The following RIMBP2 variants were observed in gnomAD, a reference collection of about 807,000 sequenced individuals.
The protein encoded by RIMBP2 is RIMS binding protein 2.
RIMBP2 carries 48 observed loss-of-function variants against 118.6 expected under a neutral mutation model. The observed-to-expected ratio is 0.40, with a 90% confidence interval of 0.32 to 0.51. The LOEUF is 0.51. Among genes scored for constraint, RIMBP2 ranks in the 20% least tolerant of loss-of-function variants. RIMBP2 has a pLI of 0.41. For missense variants in RIMBP2, 1,551 were observed against 1,768.3 expected (o/e 0.88, Z 2.20); for synonymous variants, 762 against 742.9 (o/e 1.03, Z -0.42).
intron 4 of RIMBP2, among the ~76,000 whole-genome samples, chr12:130,496,759 G>A (rs2049206651): frequency 6.6e-6 from 1 of 152,144 alleles, no homozygotes; most frequent in African/African-American, 2.4e-5. Context: ...CCACCCAGAG[G>A]AGCCAAGGAG....
rs559595737 is a variant in RIMBP2, at chr12:130,434,633, C to T, written c.2253+101G>A. 6.0e-6 allele frequency: 8 copies of T among 1,326,150 alleles called. No homozygotes were observed. Among genetic ancestry groups the T allele is most frequent in the Non-Finnish European group, 8.1e-6 (8 of 987,148 alleles). 82.1% of individuals were successfully genotyped at this position (1,326,150 alleles called of 1,614,324 possible). Reference sequence around the variant, plus strand: ...GGCGTCTCCATCTCTCTCAGGGACCCAAGGGTAGCGGGGAAAGTGCCCATG... The same window carrying T: ...GGCGTCTCCATCTCTCTCAGGGACCTAAGGGTAGCGGGGAAAGTGCCCATG... On this transcript the variant is annotated intron_variant, in intron 14 of 22. Transcript: ENST00000690449. The surrounding 1 kb of genome is among the most constrained non-coding windows in gnomAD (Gnocchi z 5.7).
intron 14 of RIMBP2, among the ~76,000 whole-genome samples, chr12:130,433,030 A>G (rs1190563550): frequency 6.6e-6 from 1 of 152,160 alleles, no homozygotes; most frequent in Admixed American, 6.5e-5. Context: ...GTAAATTCCT[A>G]CGCTGCAAGA....
chr12:130,480,739 T>C (rs1440531766), intron 4 of RIMBP2, among the ~76,000 whole-genome samples: 1 of 152,132 alleles, frequency 6.6e-6, no homozygotes, highest in Non-Finnish European at 1.5e-5. Context: ...TAGCTGGGAT[T>C]ACAGGTGCCC....
At position 130,688,751 on chromosome 12, in the gene RIMBP2, C is replaced by T. The variant is rs2065180477; in HGVS notation, c.-352+27471G>A. On this transcript the variant is annotated intron_variant, in intron 1 of 22. Transcript: ENST00000690449. This position sits in a 1 kb window ranked among gnomAD's most constrained non-coding sequence, Gnocchi z 4.7. The stretch of plus-strand genomic sequence containing the variant: ...GAGGCCACATGGCCCCCTTGGGGCT[C>T]ATACAGAGACACAGAACCACCTCCA... 6.6e-6 allele frequency among the ~76,000 whole-genome samples: 1 copy of T among 152,228 alleles called. No homozygotes were observed. The highest frequency in any genetic ancestry group is 1.5e-5 in the Non-Finnish European group (1 of 68,042).
At chr12:130,545,686 A>C (rs1457262771) in intron 2 of RIMBP2, among the ~76,000 whole-genome samples, 1 of 152,114 alleles carries the variant, frequency 6.6e-6, no homozygotes, top group Non-Finnish European at 1.5e-5. Flanking sequence ...GCCGCCGTCG[A>C]GTGTCACGTC....
In RIMBP2 at chr12:130,469,404, G is replaced by A. The variant is rs1040803882; in HGVS notation, c.153+1289C>T. ...ACACAGGGTCATGTCAATGGGCTCC[G>A]GGGCAACTGGGGAGAGGCAACTACC... is the stretch of plus-strand genomic sequence containing the variant. On this transcript the variant is annotated intron_variant, in intron 6 of 22. Coordinates refer to ENST00000690449, the MANE Select transcript of RIMBP2 (RefSeq NM_001393629.1). The surrounding 1 kb of genome is among the most constrained non-coding windows in gnomAD (Gnocchi z 4.8). Among the ~76,000 whole-genome samples, 9 of 151,366 alleles carry A rather than the reference G, an allele frequency of 5.9e-5. No individual in the cohort carries two copies. The highest frequency in any genetic ancestry group is 1.5e-4 in the African/African-American group (6 of 40,690).
chr12:130,694,609 C>T (rs10848188), intron 1 of RIMBP2, among the ~76,000 whole-genome samples: 5,775 of 152,270 alleles, frequency 0.038, 369 homozygotes, highest in African/African-American at 0.13. Context: ...TTTCCACGGC[C>T]CTCCCGTAGA....
chr12:130,667,018 GGAGAGAAAGAAGAA>G (rs2063951507), intron 1 of RIMBP2, among the ~76,000 whole-genome samples: 1 of 61,478 alleles, frequency 1.6e-5, no homozygotes. Context: ...AGGGAGGGAG[GGAGAGAAAGAAGAA>G]GAGGGAGGAA....
chr12:130,698,448 A>G (rs1234576613), intron 1 of RIMBP2, among the ~76,000 whole-genome samples: 2 of 152,164 alleles, frequency 1.3e-5, no homozygotes, highest in Admixed American at 6.5e-5. Flanking sequence ...TGCAGTTTAC[A>G]AAAGATGCTA....
intron 2 of RIMBP2, among the ~76,000 whole-genome samples, chr12:130,558,248 C>T (rs935292722): frequency 7.2e-5 from 11 of 152,148 alleles, no homozygotes; most frequent in Middle Eastern, 3.4e-3. Context: ...CATTGTCTCA[C>T]GGAGAAGAGC....
At chr12:130,403,933 A>G (rs1225989566) in intron 21 of RIMBP2, among the ~76,000 whole-genome samples, 1 of 152,214 alleles carries the variant, frequency 6.6e-6, no homozygotes, top group Non-Finnish European at 1.5e-5. Flanking sequence ...TCTCCGTATT[A>G]TAAAGACCAT....
intron 1 of RIMBP2, among the ~76,000 whole-genome samples, chr12:130,697,014 A>T (rs564998568): frequency 6.6e-6 from 1 of 152,366 alleles, no homozygotes; most frequent in African/African-American, 2.4e-5. Context: ...CTCGCCTGCC[A>T]GGCTGAAAAC....
rs1443759955 is a variant in RIMBP2 at position 130,688,696 on chromosome 12, A to G, written c.-352+27526T>C. ...TGACAGGTACAGGCAGGGGGACACT[A>G]AAACCCCACATTCTAAAGACCCCAA... On this transcript the variant is annotated intron_variant, in intron 1 of 22. Coordinates refer to ENST00000690449, the MANE Select transcript of RIMBP2 (RefSeq NM_001393629.1). The surrounding 1 kb of genome is among the most constrained non-coding windows in gnomAD (Gnocchi z 4.7). Among the ~76,000 whole-genome samples, 1 of 152,124 alleles carries G rather than the reference A, an allele frequency of 6.6e-6. No individual in the cohort carries two copies. The highest frequency in any genetic ancestry group is 2.4e-5 in the African/African-American group (1 of 41,430).
In RIMBP2 at chr12:130,646,394, ACCACCTGCCTCT is replaced by A. The variant is rs1566423376; in HGVS notation, c.-351-17950_-351-17939del. On this transcript the variant is annotated intron_variant, in intron 1 of 22. Transcript: ENST00000690449. ...CACCACCTCCCTCACCACCTCCCTC[ACCACCTGCCTCT>A]CCACCTCCCTCACCACTTCCCTCTC... 1.4e-3 allele frequency among the ~76,000 whole-genome samples: 63 copies of A among 43,650 alleles called. 8 individuals are homozygous for A. The highest frequency in any genetic ancestry group is 0.012 in the Middle Eastern group (1 of 86). 28.6% of individuals were successfully genotyped at this position (43,650 alleles called of 152,430 possible). A position where few individuals can be genotyped will look rare whatever the true frequency, so the allele number is the denominator to read the frequency against.
chr12:130,495,947 G>A (rs1314379144), intron 4 of RIMBP2, among the ~76,000 whole-genome samples: 1 of 152,208 alleles, frequency 6.6e-6, no homozygotes, highest in Non-Finnish European at 1.5e-5. Flanking sequence ...AAAGCCCAAA[G>A]TCTTTGAATT....
intron 4 of RIMBP2, among the ~76,000 whole-genome samples, chr12:130,491,889 C>T (rs530856471): frequency 3.3e-5 from 5 of 152,308 alleles, no homozygotes; most frequent in South Asian, 4.1e-4. Context: ...AGCTGACTGT[C>T]GACATTCACG....
intron 1 of RIMBP2, among the ~76,000 whole-genome samples, chr12:130,689,046 G>C (rs1288711074): frequency 6.6e-6 from 1 of 152,200 alleles, no homozygotes; most frequent in Non-Finnish European, 1.5e-5. Context: ...AATGGGCTAT[G>C]ACCTGCGCTT....
rs1241669566 is a variant in RIMBP2 at position 130,442,544 on chromosome 12, T to C, written c.808A>G (p.Asn270Asp). The C allele has an allele frequency of 4.3e-6, 7 of 1,614,030 alleles. No homozygotes were observed. The highest frequency in any genetic ancestry group is 1.3e-5 in the African/African-American group (1 of 74,910). ...LGNEQDQNFINHSGIGLEGEH... is the reference protein window; with the variant it reads ...LGNEQDQNFIDHSGIGLEGEH... ...CCCTCCAGGCCGATGCCGGAATGGT[T>C]GATGAAGTTCTGATCCTGCTCGTTC... The change falls in exon 11 of 23, where the codon AAC becomes GAC. Residue 270 changes from asparagine to aspartate, a missense_variant. Around this residue, in one of 5 missense-constraint regions of RIMBP2, gnomAD observed 265 missense variants for 349.5 expected, o/e 0.76. Coordinates refer to ENST00000690449, the MANE Select transcript of RIMBP2 (RefSeq NM_001393629.1). The surrounding 1 kb of genome is among the most constrained non-coding windows in gnomAD (Gnocchi z 6.9).
intron 4 of RIMBP2, among the ~76,000 whole-genome samples, chr12:130,491,878 T>C (rs894762319): frequency 2.0e-5 from 3 of 152,250 alleles, no homozygotes; most frequent in Admixed American, 6.5e-5. Flanking sequence ...GCGATATTTA[T>C]AGCTGACTGT....
Sources: allele counts gnomAD v4.1 joint callset (sites outside exome capture counted in the v4.1 genomes callset), GRCh38; gene constraint gnomAD v4.1.1; regional missense constraint gnomAD v4.1.1; non-coding constraint Gnocchi (gnomAD v3.1); transcripts MANE v1.5; gene names NCBI Gene and HGNC (gene_info 2026-07-23, HGNC 2026-07-21).